SCD5: variants seen among roughly 807,000 people sequenced by gnomAD.
SCD5 encodes the protein stearoyl-CoA desaturase 5, also known as acyl-CoA-desaturase 4.
SCD5 carries 20 observed loss-of-function variants against 30.4 expected under a neutral mutation model. That is an observed-to-expected ratio of 0.66 (90% CI 0.46 to 0.96). The LOEUF is 0.96. Ranked by LOEUF, SCD5 falls within the 40% of genes least tolerant of loss-of-function variation. The pLI, the probability that SCD5 is intolerant of heterozygous loss-of-function variation, is 0.00. For missense variants in SCD5, 381 were observed against 443.3 expected, an observed-to-expected ratio of 0.86 and a Z score of 1.26; for synonymous variants, 173 against 176.4, an observed-to-expected ratio of 0.98 and a Z score of 0.16.
intron 3 of SCD5, among the ~76,000 whole-genome samples, chr4:82,642,156 T>C (rs1421776893): frequency 6.6e-6 from 1 of 152,146 alleles, no homozygotes; most frequent in Admixed American, 6.5e-5. Context: ...GTAGTTTTTA[T>C]AACCTCTTTT....
intron 3 of SCD5, among the ~76,000 whole-genome samples, chr4:82,649,486 A>C (rs1213674629): frequency 6.6e-6 from 1 of 152,184 alleles, no homozygotes; most frequent in East Asian, 1.9e-4. Context: ...CCCAGCAGCA[A>C]ACATTTTTCA....
intron 1 of SCD5, among the ~76,000 whole-genome samples, chr4:82,772,007 C>G (rs1721634575): frequency 6.6e-6 from 1 of 152,124 alleles, no homozygotes; most frequent in African/African-American, 2.4e-5. Flanking sequence ...CTTGGGGTTT[C>G]AGGAAAGTTT....
At chr4:82,759,189 A>C (rs1203508840) in intron 1 of SCD5, among the ~76,000 whole-genome samples, 1 of 152,248 alleles carries the variant, frequency 6.6e-6, no homozygotes, top group Non-Finnish European at 1.5e-5. Context: ...CCATGACAGC[A>C]GGGAATTGAG....
chr4:82,665,477 A>G (rs868797096), intron 3 of SCD5, among the ~76,000 whole-genome samples: 2 of 152,098 alleles, frequency 1.3e-5, no homozygotes, highest in South Asian at 2.1e-4. Flanking sequence ...TTACGTGCAG[A>G]GGGATAATAC....
chr4:82,793,314 A>G (rs781622230), intron 1 of SCD5, among the ~76,000 whole-genome samples: 8 of 152,202 alleles, frequency 5.3e-5, no homozygotes, highest in African/African-American at 2.4e-5. Context: ...AAAAATCCCA[A>G]AGAAAACGCT....
intron 3 of SCD5, among the ~76,000 whole-genome samples, chr4:82,669,343 C>T (rs553455133): frequency 3.3e-5 from 5 of 151,262 alleles, no homozygotes; most frequent in South Asian, 4.2e-4. Flanking sequence ...TTCCAGTTTC[C>T]GGTTCCACAT....
chr4:82,719,994 G>A (rs112797172), intron 1 of SCD5, among the ~76,000 whole-genome samples: 2,129 of 151,798 alleles, frequency 0.014, 98 homozygotes, highest in African/African-American at 0.049. Flanking sequence ...TAGAGATGGG[G>A]TTTCACCAGG....
In SCD5 at chr4:82,631,243, C is replaced by G; in HGVS notation, c.*84G>C. 1 of 1,229,092 alleles carries G rather than the reference C, an allele frequency of 8.1e-7. No individual in the cohort carries two copies. Among genetic ancestry groups the G allele is most frequent in the Non-Finnish European group, 1.1e-6 (1 of 896,154 alleles). 76.1% of individuals were successfully genotyped at this position (1,229,092 alleles called of 1,614,324 possible). On this transcript the variant is annotated 3_prime_UTR_variant, in exon 5 of 5. Coordinates refer to ENST00000319540, the MANE Select transcript of SCD5 (RefSeq NM_001037582.3). ...CTTCCCCACCCTCTGCCCCCTCCCA[C>G]GATCCAATGTACAAGAGAGCTATTG...
chr4:82,638,999 G>C (rs912178332), intron 3 of SCD5, among the ~76,000 whole-genome samples: 1 of 152,204 alleles, frequency 6.6e-6, no homozygotes, highest in Non-Finnish European at 1.5e-5. Context: ...CATAGGTGGT[G>C]GGACAGAAAT....
chr4:82,682,283 G>A (rs1039824099), intron 2 of SCD5, among the ~76,000 whole-genome samples: 2 of 152,164 alleles, frequency 1.3e-5, no homozygotes, highest in Non-Finnish European at 2.9e-5. Flanking sequence ...ACACGGGAGG[G>A]TGTCAGGGGC....
At chr4:82,774,356 G>A (rs1204404606) in intron 1 of SCD5, among the ~76,000 whole-genome samples, 3 of 151,866 alleles carry the variant, frequency 2.0e-5, no homozygotes, top group East Asian at 1.9e-4. Flanking sequence ...ACGCATTAAC[G>A]CATGAAAAAA....
chr4:82,701,865 G>A (rs1015343179), intron 2 of SCD5, among the ~76,000 whole-genome samples: 1 of 152,158 alleles, frequency 6.6e-6, no homozygotes, highest in East Asian at 1.9e-4. Context: ...ATGCATGAGC[G>A]TGACAGCACA....
chr4:82,692,797 C>T (rs1719587479), intron 2 of SCD5, among the ~76,000 whole-genome samples: 1 of 152,218 alleles, frequency 6.6e-6, no homozygotes, highest in African/African-American at 2.4e-5. Context: ...AAACTCCAGT[C>T]CGCTGAGGAA....
chr4:82,736,549 A>G lies in SCD5; in HGVS notation c.233-31136T>C, dbSNP rs564751436. On this transcript the variant is annotated intron_variant, in intron 1 of 4. Transcript: ENST00000319540. ...CTTGAACCCAGGAGGCAGAGGTTGCAGTGAGCCCAGATCGCGCCATTGCAC... is the reference window on the plus strand; with the variant it reads ...CTTGAACCCAGGAGGCAGAGGTTGCGGTGAGCCCAGATCGCGCCATTGCAC... Among the ~76,000 whole-genome samples the G allele has an allele frequency of 7.1e-4, 108 of 152,246 alleles. 2 individuals are homozygous for G. Among genetic ancestry groups the G allele is most frequent in the African/African-American group, 2.6e-3 (107 of 41,542 alleles).
intron 3 of SCD5, among the ~76,000 whole-genome samples, chr4:82,647,266 T>C (rs543908263): frequency 2.6e-5 from 4 of 152,306 alleles, no homozygotes; most frequent in Non-Finnish European, 5.9e-5. Context: ...CCTACATATA[T>C]GTAGATCTTG....
chr4:82,701,519 A>AG (rs1168746916), intron 2 of SCD5, among the ~76,000 whole-genome samples: 4 of 152,174 alleles, frequency 2.6e-5, no homozygotes, highest in Non-Finnish European at 5.9e-5. Context: ...AAAAAAAAAA[A>AG]GACTAAACTC....
Position 82,730,820 on chromosome 4 carries a change from G to A in SCD5, c.233-25407C>T, listed in dbSNP as rs534947548. 7.0e-4 allele frequency among the ~76,000 whole-genome samples: 107 copies of A among 152,100 alleles called. 1 individual carries two copies. Among genetic ancestry groups the A allele is most frequent in the African/African-American group, 2.3e-3 (96 of 41,502 alleles). ...AAGATGGTCTCGGTCTCCTGACCTCGTAATCCGCTTGCCTCGGCCTCCCAA... is the reference window on the plus strand; with the variant it reads ...AAGATGGTCTCGGTCTCCTGACCTCATAATCCGCTTGCCTCGGCCTCCCAA... On this transcript the variant is annotated intron_variant, in intron 1 of 4. Coordinates refer to ENST00000319540, the MANE Select transcript of SCD5 (RefSeq NM_001037582.3).
At position 82,705,328 on chromosome 4, in the gene SCD5, C is replaced by T; in HGVS notation, c.318G>A (p.Leu106=). Residue 106 remains leucine, a synonymous_variant, in exon 2 of 5, where the codon CTG becomes CTA. Transcript: ENST00000319540. The stretch of plus-strand genomic sequence containing the variant: ...CGACAGCCAGAAATATCCTCAGAGG[C>T]AGCTTGGCCCGGTAGGACCTGTGGC... ...LWSHRSYRAK[L]PLRIFLAVAN... 2.5e-6 allele frequency: 4 copies of T among 1,614,230 alleles called. No individual in the cohort carries two copies. The highest frequency in any genetic ancestry group is 1.1e-5 in the South Asian group (1 of 91,084).
intron 3 of SCD5, among the ~76,000 whole-genome samples, chr4:82,653,975 T>G (rs1336680459): frequency 5.3e-5 from 8 of 151,828 alleles, no homozygotes; most frequent in Non-Finnish European, 1.2e-4. Context: ...TGGAGTGCAA[T>G]GGCACAATCT....
Sources: gnomAD v4.1 joint callset for allele counts (sites outside exome capture counted in the v4.1 genomes callset) on GRCh38, gnomAD v4.1.1 for gene constraint, MANE v1.5 for transcripts, NCBI Gene and HGNC (gene_info 2026-07-23, HGNC 2026-07-21) for gene names.